The following KCNK3 variants were observed in gnomAD, a reference collection of about 807,000 sequenced individuals.
KCNK3 encodes the protein potassium two pore domain channel subfamily K member 3, also known as potassium channel subfamily K member 3.
A neutral mutation model predicts 27.3 loss-of-function variants in KCNK3; 9 were observed. The ratio of observed to expected loss-of-function variants is 0.33; its 90% CI spans 0.20 to 0.57. KCNK3 has a LOEUF of 0.57. KCNK3 is among the 20% of genes least tolerant of loss of function. KCNK3 has a pLI of 0.87. For missense variants in KCNK3, 391 were observed against 577.7 expected (o/e 0.68, Z 3.31); for synonymous variants, 278 against 273.8 (o/e 1.02, Z -0.15).
intron 1 of KCNK3, among the ~76,000 whole-genome samples, chr2:26,713,342 G>A (rs569320825): frequency 6.6e-6 from 1 of 152,348 alleles, no homozygotes; most frequent in South Asian, 2.1e-4. Flanking sequence ...AGGGAGTCAG[G>A]AGAGGCCAGG....
intron 1 of KCNK3, among the ~76,000 whole-genome samples, chr2:26,704,236 C>A (rs937524052): frequency 6.6e-6 from 1 of 152,172 alleles, no homozygotes; most frequent in Non-Finnish European, 1.5e-5. Context: ...ACACCAAGTA[C>A]AGTTTTATTG....
At chr2:26,705,894 C>T (rs369958821) in intron 1 of KCNK3, among the ~76,000 whole-genome samples, 40 of 152,132 alleles carry the variant, frequency 2.6e-4, no homozygotes, top group Non-Finnish European at 3.5e-4. Context: ...GCAGGTCAGA[C>T]GGCCCTTGTG....
chr2:26,698,997 G>A (rs1670269773), intron 1 of KCNK3, among the ~76,000 whole-genome samples: 1 of 152,008 alleles, frequency 6.6e-6, no homozygotes, highest in Non-Finnish European at 1.5e-5. Flanking sequence ...GTCAACAATG[G>A]TGAAACCCTT....
At chr2:26,697,780 T>C (rs1381165863) in intron 1 of KCNK3, among the ~76,000 whole-genome samples, 1 of 152,128 alleles carries the variant, frequency 6.6e-6, no homozygotes, top group Non-Finnish European at 1.5e-5. Context: ...GTTCCGCTCT[T>C]TCCCCAGCTT....
intron 1 of KCNK3, among the ~76,000 whole-genome samples, chr2:26,718,328 C>T (rs1426867922): frequency 1.3e-5 from 2 of 152,186 alleles, no homozygotes; most frequent in Non-Finnish European, 2.9e-5. Flanking sequence ...CCTGAACCCA[C>T]CCTTGAAAGC....
At position 26,728,923 on chromosome 2, in the gene KCNK3, C is replaced by T; in HGVS notation, c.*355C>T. ...AGACCCCCACCTTCGGAGGGGACTTCATGTTCCGTGTACGTTTGCATCTCT... is the reference window on the plus strand; with the variant it reads ...AGACCCCCACCTTCGGAGGGGACTTTATGTTCCGTGTACGTTTGCATCTCT... On this transcript the variant is annotated 3_prime_UTR_variant, in exon 2 of 2. Coordinates refer to ENST00000302909, the MANE Select transcript of KCNK3 (RefSeq NM_002246.3). The T allele has an allele frequency of 4.2e-6, 1 of 238,612 alleles. No individual in the cohort carries two copies. Among genetic ancestry groups the T allele is most frequent in the Non-Finnish European group, 8.0e-6 (1 of 124,416 alleles). The allele number at this position is 238,612 out of a possible 1,614,324, so 14.8% of individuals were successfully genotyped here. A position where few individuals can be genotyped will look rare whatever the true frequency, so the allele number is the denominator to read the frequency against.
chr2:26,717,388 G>A (rs1019392584), intron 1 of KCNK3, among the ~76,000 whole-genome samples: 2 of 152,212 alleles, frequency 1.3e-5, no homozygotes, highest in Admixed American at 1.3e-4. Flanking sequence ...TCCTCAATGG[G>A]CTCAACAGGA....
At chr2:26,718,055 G>A (rs1263894270) in intron 1 of KCNK3, among the ~76,000 whole-genome samples, 1 of 150,924 alleles carries the variant, frequency 6.6e-6, no homozygotes, top group East Asian at 1.9e-4. Context: ...GCCCCTTCCT[G>A]TCCTCTCCTT....
intron 1 of KCNK3, among the ~76,000 whole-genome samples, chr2:26,722,469 G>T (rs1663344479): frequency 6.6e-6 from 1 of 152,330 alleles, no homozygotes; most frequent in East Asian, 1.9e-4. Flanking sequence ...TATGAAGTGA[G>T]TACTTCATTA....
At chr2:26,695,443 T>C (rs1242637606) in intron 1 of KCNK3, among the ~76,000 whole-genome samples, 1 of 152,054 alleles carries the variant, frequency 6.6e-6, no homozygotes, top group Admixed American at 6.5e-5. Flanking sequence ...AAATCCCCCC[T>C]CCTCCTCAAA....
chr2:26,724,312 A>T (rs1362212548), intron 1 of KCNK3, among the ~76,000 whole-genome samples: 2 of 152,244 alleles, frequency 1.3e-5, no homozygotes, highest in Non-Finnish European at 2.9e-5. Context: ...CAACTGGCTC[A>T]GAGCAACGCC....
At chr2:26,720,998 C>T (rs188554347) in intron 1 of KCNK3, among the ~76,000 whole-genome samples, 1 of 152,140 alleles carries the variant, frequency 6.6e-6, no homozygotes, top group Non-Finnish European at 1.5e-5. Flanking sequence ...TTTGAAGGGG[C>T]CAGAGGCCAC....
At chr2:26,714,886 A>T (rs1382970418) in intron 1 of KCNK3, among the ~76,000 whole-genome samples, 3 of 145,810 alleles carry the variant, frequency 2.1e-5, no homozygotes, top group African/African-American at 7.8e-5. Flanking sequence ...ACTCCATCTC[A>T]AAATAAATAA....
intron 1 of KCNK3, among the ~76,000 whole-genome samples, chr2:26,700,714 T>TTCATCATCATCATCACCATCATCATCA (rs1670296157): frequency 7.2e-6 from 1 of 137,988 alleles, no homozygotes; most frequent in African/African-American, 2.8e-5. Flanking sequence ...CTTCTCCCTC[T>TTCATCATCATCATCACCATCATCATCA]TCATCATCAT....
In KCNK3 at chr2:26,721,432, A is replaced by G. The variant is rs34552049; in HGVS notation, c.284-6235A>G. Among the ~76,000 whole-genome samples the G allele has an allele frequency of 0.41, 62,288 of 151,886 alleles. 14,847 individuals carry two copies. The highest frequency in any genetic ancestry group is 0.53 in the Non-Finnish European group (36,195 of 67,896). On this transcript the variant is annotated intron_variant, in intron 1 of 1. Coordinates refer to ENST00000302909, the MANE Select transcript of KCNK3 (RefSeq NM_002246.3). The surrounding 1 kb of genome is among the most constrained non-coding windows in gnomAD (Gnocchi z 4.3). ...CCCCCAAGACCTGGGCACAGAAGCT[A>G]GGCTCCTTCCGCCTCATCTCCTTTA...
rs1440386783 is a variant in KCNK3, at chr2:26,732,390, G to T, written c.*3822G>T. ...TCTACCTGCTAATGGTTTAATACCT[G>T]CAGATTGAAATATACTGGAGAAATA... is the stretch of plus-strand genomic sequence containing the variant. On this transcript the variant is annotated 3_prime_UTR_variant, in exon 2 of 2. Transcript: ENST00000302909. 1.3e-5 allele frequency: 2 copies of T among 152,376 alleles called. No individual in the cohort carries two copies. Among genetic ancestry groups the T allele is most frequent in the South Asian group, 4.1e-4 (2 of 4,834 alleles). 9.4% of individuals were successfully genotyped at this position (152,376 alleles called of 1,614,324 possible). A position where few individuals can be genotyped will look rare whatever the true frequency, so the allele number is the denominator to read the frequency against.
chr2:26,717,084 C>G (rs1341875612), intron 1 of KCNK3, among the ~76,000 whole-genome samples: 1 of 152,102 alleles, frequency 6.6e-6, no homozygotes, highest in Non-Finnish European at 1.5e-5. Flanking sequence ...ACTATCTGGC[C>G]CTTTACAGGA....
intron 1 of KCNK3, among the ~76,000 whole-genome samples, chr2:26,708,013 G>A (rs1478334204): frequency 6.6e-6 from 1 of 152,204 alleles, no homozygotes; most frequent in African/African-American, 2.4e-5. Context: ...CAGGGACTCA[G>A]CAGGGAAAAA....
intron 1 of KCNK3, among the ~76,000 whole-genome samples, chr2:26,719,719 A>G (rs186909868): frequency 5.3e-5 from 8 of 152,288 alleles, no homozygotes; most frequent in Non-Finnish European, 1.2e-4. Flanking sequence ...ATCTAGGTCT[A>G]TTTCTCCTGG....
Sources: gnomAD v4.1 joint callset for allele counts (sites outside exome capture counted in the v4.1 genomes callset) on GRCh38, gnomAD v4.1.1 for gene constraint, Gnocchi (gnomAD v3.1) non-coding constraint, MANE v1.5 for transcripts, NCBI Gene and HGNC (gene_info 2026-07-23, HGNC 2026-07-21) for gene names.